The following ADAM10 variants were observed in gnomAD, a reference collection of about 807,000 sequenced individuals.
ADAM10 encodes the protein ADAM metallopeptidase domain 10.
Under a neutral mutation model 90.1 loss-of-function variants are expected in ADAM10, and 17 were observed. The observed-to-expected ratio is 0.19, with a 90% CI of 0.13 to 0.28. ADAM10 has a LOEUF of 0.28. Ranked by LOEUF, ADAM10 falls within the 10% of genes least tolerant of loss-of-function variation. ADAM10 has a pLI of 1.00. For missense variants in ADAM10, 610 were observed against 914.3 expected (o/e 0.67, Z 4.29); for synonymous variants, 310 against 298.6 (o/e 1.04, Z -0.40).
Position 58,717,739 on chromosome 15 carries a change from A to C in ADAM10, c.56-12T>G. ...ATTCCCATACTGACCTATAAAAAAA[A>C]AACAACATTCTGAATTAGTATCATC... On this transcript the variant is annotated splice_polypyrimidine_tract_variant and intron_variant, in intron 1 of 15. Transcript: ENST00000260408. 1 of 1,608,826 alleles carries C rather than the reference A, an allele frequency of 6.2e-7. No individual in the cohort carries two copies. The highest frequency in any genetic ancestry group is 8.5e-7 in the Non-Finnish European group (1 of 1,178,206).
chr15:58,748,596 A>C (rs1899869196), intron 1 of ADAM10: 1 of 234,714 alleles, frequency 4.3e-6, no homozygotes, highest in South Asian at 1.8e-4. Flanking sequence ...TGTTTTGACA[A>C]TCCACTAACT....
At chr15:58,620,639 A>G (rs1443915391) in intron 11 of ADAM10, among the ~76,000 whole-genome samples, 2 of 151,810 alleles carry the variant, frequency 1.3e-5, no homozygotes, top group Non-Finnish European at 2.9e-5. Flanking sequence ...CATTTTCACA[A>G]TAAGTAACTA....
chr15:58,735,472 T>C (rs394845), intron 1 of ADAM10, among the ~76,000 whole-genome samples: 31,293 of 152,120 alleles, frequency 0.21, 3,444 homozygotes, highest in East Asian at 0.45. Flanking sequence ...TCCAAATCCA[T>C]TGATGCTCAA....
chr15:58,669,759 C>T lies in ADAM10; in HGVS notation c.485-4562G>A, dbSNP rs116273186. 6.3e-3 allele frequency among the ~76,000 whole-genome samples: 955 copies of T among 152,246 alleles called. 17 individuals are homozygous for T. The highest frequency in any genetic ancestry group is 0.022 in the African/African-American group (911 of 41,544). On this transcript the variant is annotated intron_variant, in intron 4 of 15. Transcript: ENST00000260408. ...TTAACAGGCAAATGTATTAACAAAT[C>T]ATGGTATCCACACAACAGACTACTA...
chr15:58,690,483 AT>A (rs1286784678), intron 2 of ADAM10, among the ~76,000 whole-genome samples: 1 of 152,234 alleles, frequency 6.6e-6, no homozygotes, highest in Admixed American at 6.5e-5. Flanking sequence ...AAAACAGCAT[AT>A]TCTTTATTTT....
intron 4 of ADAM10, among the ~76,000 whole-genome samples, chr15:58,673,568 CAT>C (rs1195775397): frequency 3.3e-5 from 5 of 149,764 alleles, no homozygotes; most frequent in African/African-American, 1.3e-4. Context: ...CATATACATA[CAT>C]ATATATAACT....
In ADAM10 at chr15:58,631,565, G is replaced by A. The variant is rs117530868; in HGVS notation, c.1176+1631C>T. On this transcript the variant is annotated intron_variant, in intron 9 of 15. Transcript: ENST00000260408. ...AGTATGTTAGAAATACAGAAACTCA[G>A]GCCCCATCAAAGACCTACTAAAAAA... 2.8e-3 allele frequency among the ~76,000 whole-genome samples: 431 copies of A among 152,192 alleles called. 2 individuals carry two copies. Among genetic ancestry groups the A allele is most frequent in the Non-Finnish European group, 4.0e-3 (269 of 68,018 alleles).
chr15:58,748,862 G>A (rs1481579985), intron 1 of ADAM10: 3 of 398,944 alleles, frequency 7.5e-6, no homozygotes, highest in Non-Finnish European at 1.3e-5. Context: ...AGATAAGCGG[G>A]TGATGACTGC....
intron 9 of ADAM10, chr15:58,629,491 A>C (rs559977758): frequency 5.3e-5 from 8 of 152,356 alleles, no homozygotes; most frequent in African/African-American, 1.7e-4. Context: ...TAAGCAAAAC[A>C]CAAAACAGAA....
intron 15 of ADAM10, among the ~76,000 whole-genome samples, chr15:58,598,081 T>C (rs1293448971): frequency 1.3e-5 from 2 of 152,170 alleles, no homozygotes; most frequent in African/African-American, 4.8e-5. Flanking sequence ...TTACTAAGTG[T>C]CTTTGAGCAA....
chr15:58,662,025 G>A (rs1347118678), intron 5 of ADAM10, among the ~76,000 whole-genome samples: 2 of 152,068 alleles, frequency 1.3e-5, no homozygotes, highest in Non-Finnish European at 2.9e-5. Flanking sequence ...GTTAACATCT[G>A]TAATTAACAG....
intron 1 of ADAM10, among the ~76,000 whole-genome samples, chr15:58,739,448 C>T (rs1464304842): frequency 2.0e-5 from 3 of 151,660 alleles, no homozygotes; most frequent in Admixed American, 1.3e-4. Flanking sequence ...ACCTGGGAGG[C>T]GGAGCTGGCA....
chr15:58,713,441 C>T (rs994046059), intron 2 of ADAM10, among the ~76,000 whole-genome samples: 3 of 152,028 alleles, frequency 2.0e-5, no homozygotes, highest in Admixed American at 6.6e-5. Flanking sequence ...TGACCATCAT[C>T]GACATCAAAA....
chr15:58,692,966 T>C (rs554396048), intron 2 of ADAM10: 11 of 740,188 alleles, frequency 1.5e-5, no homozygotes, highest in Admixed American at 1.1e-4. Context: ...TCCCGAGGGT[T>C]GGGGATGATG....
chr15:58,590,763 TTAAAA>T lies in ADAM10; in HGVS notation c.*6779_*6783del, dbSNP rs1420484101. On this transcript the variant is annotated 3_prime_UTR_variant, in exon 16 of 16. Transcript: ENST00000260408. ...AAGAAAACGATAATAAAATATTCAT[TTAAAA>T]TAAAGAATAAAATTGCTTAATGTGT... 1.3e-5 allele frequency: 2 copies of T among 152,218 alleles called. No homozygotes were observed. Among genetic ancestry groups the T allele is most frequent in the Non-Finnish European group, 2.9e-5 (2 of 68,034 alleles). 9.4% of individuals were successfully genotyped at this position (152,218 alleles called of 1,614,324 possible).
intron 11 of ADAM10, 47 bp downstream of exon 11, chr15:58,621,424 G>A (rs746245745): frequency 9.9e-6 from 16 of 1,608,232 alleles, no homozygotes; most frequent in Non-Finnish European, 1.4e-5. Flanking sequence ...TAACTGCATT[G>A]AGGTAACTTT....
intron 11 of ADAM10, among the ~76,000 whole-genome samples, chr15:58,612,565 C>A (rs1485275050): frequency 6.6e-6 from 1 of 152,134 alleles, no homozygotes; most frequent in Admixed American, 6.6e-5. Context: ...CTTGCTGTTG[C>A]TGCACCTGGT....
At chr15:58,727,415 C>T (rs751921278) in intron 1 of ADAM10, among the ~76,000 whole-genome samples, 1 of 151,764 alleles carries the variant, frequency 6.6e-6, no homozygotes, top group Admixed American at 6.6e-5. Flanking sequence ...GGTCTCAGAC[C>T]CCTGACCTCA....
chr15:58,609,551 T>C lies in ADAM10; in HGVS notation c.2025+746A>G, dbSNP rs1895378106. On this transcript the variant is annotated intron_variant, in intron 14 of 15. Transcript: ENST00000260408. The stretch of plus-strand genomic sequence containing the variant: ...ACACACACACACACATACACACTAA[T>C]TTGAGAAAGGGGAATGTGAGTTATA... The C allele has an allele frequency of 2.0e-5, 3 of 153,310 alleles. No homozygotes were observed. The South Asian group carries it at 6.1e-4, about 31-fold the overall frequency. The allele number at this position is 153,310 out of a possible 1,614,324, so 9.5% of individuals were successfully genotyped here. A position where few individuals can be genotyped will look rare whatever the true frequency, so the allele number is the denominator to read the frequency against.
Sources: allele counts gnomAD v4.1 joint callset (sites outside exome capture counted in the v4.1 genomes callset), GRCh38; gene constraint gnomAD v4.1.1; transcripts MANE v1.5; gene names NCBI Gene and HGNC (gene_info 2026-07-23, HGNC 2026-07-21).